GPC6: variants seen among roughly 807,000 people sequenced by gnomAD.
GPC6 encodes glypican-6.
Under a neutral mutation model 55.2 loss-of-function variants are expected in GPC6, and 14 were observed. That is an observed-to-expected ratio of 0.25 (90% CI 0.17 to 0.40). The LOEUF is 0.40. GPC6 is among the 10% of genes least tolerant of loss of function. GPC6 has a pLI of 1.00. For synonymous variants in GPC6, 278 were observed against 259.6 expected (o/e 1.07, Z -0.68); for missense variants, 641 against 708.5 (o/e 0.90, Z 1.08).
chr13:93,620,261 G>A (rs886373810), intron 2 of GPC6, among the ~76,000 whole-genome samples: 1 of 152,172 alleles, frequency 6.6e-6, no homozygotes, highest in African/African-American at 2.4e-5. Context: ...CATTGAGTCA[G>A]TGTAACTGAT....
intron 1 of GPC6, among the ~76,000 whole-genome samples, chr13:93,304,470 C>T (rs1878789357): frequency 1.3e-5 from 2 of 152,176 alleles, no homozygotes; most frequent in Admixed American, 1.3e-4. Flanking sequence ...CCACATTTAC[C>T]TCTGTCTTAA....
chr13:93,854,249 A>C (rs1368667504), intron 3 of GPC6, among the ~76,000 whole-genome samples: 2 of 151,640 alleles, frequency 1.3e-5, no homozygotes, highest in Non-Finnish European at 3.0e-5. Flanking sequence ...GAACAGCAAT[A>C]ATCTTTTTTC....
intron 1 of GPC6, among the ~76,000 whole-genome samples, chr13:93,231,411 A>ATG (rs1555336169): frequency 1.3e-4 from 5 of 37,856 alleles, no homozygotes; most frequent in Admixed American, 7.5e-4. Flanking sequence ...ATATATATAT[A>ATG]TATATATATA....
At chr13:93,566,977 G>A (rs7334024) in intron 2 of GPC6, among the ~76,000 whole-genome samples, 86,211 of 151,926 alleles carry the variant, frequency 0.57, 26,501 homozygotes, top group Non-Finnish European at 0.69. Flanking sequence ...ATGGGCATTT[G>A]GGTTGGTTCC....
intron 2 of GPC6, among the ~76,000 whole-genome samples, chr13:93,592,329 C>T (rs1452936453): frequency 6.7e-6 from 1 of 148,530 alleles, no homozygotes; most frequent in African/African-American, 2.5e-5. Context: ...GGATTACAGG[C>T]GTGCGCCCCC....
chr13:93,286,128 G>A (rs369446468), intron 1 of GPC6, among the ~76,000 whole-genome samples: 1 of 151,500 alleles, frequency 6.6e-6, no homozygotes, highest in African/African-American at 2.4e-5. Context: ...CACATAGCTG[G>A]GGAGGCCTCA....
intron 1 of GPC6, among the ~76,000 whole-genome samples, chr13:93,431,884 A>G (rs1877373919): frequency 6.6e-6 from 1 of 152,224 alleles, no homozygotes; most frequent in Non-Finnish European, 1.5e-5. Context: ...GATAAGAGAT[A>G]TAAAACTTGT....
chr13:93,226,229 T>C (rs1332000044), upstream of GPC6, among the ~76,000 whole-genome samples: 3 of 152,156 alleles, frequency 2.0e-5, no homozygotes, highest in Non-Finnish European at 4.4e-5. Context: ...CCTTTTCTTG[T>C]TGCTTCTGTG....
chr13:93,287,521 C>A (rs1167533459), intron 1 of GPC6, among the ~76,000 whole-genome samples: 1 of 152,172 alleles, frequency 6.6e-6, no homozygotes, highest in Non-Finnish European at 1.5e-5. Flanking sequence ...ACTGGGCATG[C>A]CTTTGTTTCA....
intron 4 of GPC6, among the ~76,000 whole-genome samples, chr13:94,216,402 A>G (rs1188832363): frequency 1.3e-5 from 2 of 152,144 alleles, no homozygotes; most frequent in East Asian, 3.8e-4. Flanking sequence ...CACACAAGAA[A>G]GTACTTCACA....
At chr13:93,866,555 C>G (rs1196160102) in intron 3 of GPC6, among the ~76,000 whole-genome samples, 1 of 151,730 alleles carries the variant, frequency 6.6e-6, no homozygotes, top group African/African-American at 2.4e-5. Context: ...AGAACAAGAT[C>G]ATTTCATTTG....
chr13:93,439,606 G>A (rs1877701565), intron 1 of GPC6, among the ~76,000 whole-genome samples: 1 of 151,504 alleles, frequency 6.6e-6, no homozygotes, highest in Admixed American at 6.6e-5. Flanking sequence ...ACATTGCAGT[G>A]AGCCAAGATT....
At chr13:94,321,214 C>T (rs2139129832) in intron 6 of GPC6, among the ~76,000 whole-genome samples, 1 of 152,302 alleles carries the variant, frequency 6.6e-6, no homozygotes, top group South Asian at 2.1e-4. Flanking sequence ...ATAGTGGCCT[C>T]CAGTTCTATC....
At chr13:93,970,721 C>A (rs563804446) in intron 3 of GPC6, among the ~76,000 whole-genome samples, 116 of 152,292 alleles carry the variant, frequency 7.6e-4, no homozygotes, top group Middle Eastern at 3.4e-3. Context: ...TTGCTCAGTG[C>A]CCTGACAACC....
chr13:94,350,991 A>G (rs374416028), intron 6 of GPC6, among the ~76,000 whole-genome samples: 20 of 152,184 alleles, frequency 1.3e-4, no homozygotes, highest in Admixed American at 1.1e-3. Flanking sequence ...GAATCTCTGA[A>G]GTTTATAGAC....
At chr13:93,899,779 C>G (rs1876244254) in intron 3 of GPC6, among the ~76,000 whole-genome samples, 1 of 152,056 alleles carries the variant, frequency 6.6e-6, no homozygotes, top group Non-Finnish European at 1.5e-5. Context: ...TTACTTGTGT[C>G]TGTCAAGGCC....
intron 3 of GPC6, among the ~76,000 whole-genome samples, chr13:93,928,174 T>C (rs1312351324): frequency 1.3e-5 from 2 of 152,160 alleles, no homozygotes; most frequent in African/African-American, 2.4e-5. Context: ...ATAAACTGGA[T>C]AATGGGAGTA....
At chr13:93,974,016 C>A (rs1195951287) in intron 3 of GPC6, among the ~76,000 whole-genome samples, 2 of 152,152 alleles carry the variant, frequency 1.3e-5, no homozygotes, top group Non-Finnish European at 2.9e-5. Context: ...CTGGAGTATT[C>A]TAGCTTTCAG....
intron 1 of GPC6, among the ~76,000 whole-genome samples, chr13:93,276,493 A>AGTGT (rs775217548): frequency 0.01 from 961 of 92,792 alleles, 1 homozygote; most frequent in Non-Finnish European, 0.015. Context: ...AGAGAGAGAG[A>AGTGT]GAGTGTGTGT....
Sources: gnomAD v4.1 joint callset for allele counts (sites outside exome capture counted in the v4.1 genomes callset) on GRCh38, gnomAD v4.1.1 for gene constraint, MANE v1.5 for transcripts, NCBI Gene and HGNC (gene_info 2026-07-23, HGNC 2026-07-21) for gene names.